The following PKM variants were observed in gnomAD, a reference collection of about 807,000 sequenced individuals.
The protein encoded by PKM is pyruvate kinase PKM.
Under a neutral mutation model 49.8 loss-of-function variants are expected in PKM, and 18 were observed. The ratio of observed to expected loss-of-function variants is 0.36; its 90% CI spans 0.25 to 0.54. The LOEUF (loss-of-function observed/expected upper bound fraction) is 0.54, where lower values mean the gene tolerates loss of function less well. Among genes scored for constraint, PKM ranks in the 20% least tolerant of loss-of-function variants. The pLI is 0.89. For synonymous variants in PKM, 239 were observed against 261.8 expected (o/e 0.91, Z 0.84); for missense variants, 508 against 713.8 (o/e 0.71, Z 3.28).
At chr15:72,224,585 G>A (rs557381938) in intron 1 of PKM, among the ~76,000 whole-genome samples, 2 of 152,236 alleles carry the variant, frequency 1.3e-5, no homozygotes, top group South Asian at 2.1e-4. Flanking sequence ...AGCCATGGCT[G>A]GCTGTGTTGG....
rs1171532612 is a variant in PKM at position 72,202,456 on chromosome 15, G to A, written c.1305C>T (p.Gly435=). 6.2e-7 allele frequency: 1 copy of A among 1,612,468 alleles called. No homozygotes were observed. The highest frequency in any genetic ancestry group is 2.2e-5 in the East Asian group (1 of 44,870). ...AGGGAGCCGCTGCCGCCTCCTACCT[G>A]CCAGACTTGGTGAGGACGATTATGG... The part of the protein sequence containing the change: ...SGAIIVLTKS[G]RSAHQVARYR... Residue 435 remains glycine, a splice_region_variant and synonymous_variant, in exon 9 of 11, where the codon GGC becomes GGT. Transcript: ENST00000335181. The surrounding 1 kb of genome is among the most constrained non-coding windows in gnomAD (Gnocchi z 4.5).
intron 3 of PKM, 97 bp downstream of exon 3, chr15:72,217,312 C>G: frequency 1.3e-6 from 1 of 781,330 alleles, no homozygotes; most frequent in Non-Finnish European, 2.3e-6. Flanking sequence ...AACTCAGACT[C>G]ATCCTTGTCT....
At chr15:72,226,607 G>A (rs1331705372) in intron 1 of PKM, among the ~76,000 whole-genome samples, 1 of 152,196 alleles carries the variant, frequency 6.6e-6, no homozygotes, top group Non-Finnish European at 1.5e-5. Context: ...GTTTGGAAGG[G>A]ATAGGACTCC....
At chr15:72,203,231 G>T in intron 8 of PKM, 1 of 1,576,294 alleles carries the variant, frequency 6.3e-7, no homozygotes, top group Non-Finnish European at 8.7e-7. Flanking sequence ...GAGGGAAGGA[G>T]GAGGAAAAAA....
At chr15:72,217,620 A>G (rs970863910) in intron 2 of PKM, 120 bp from the exon 3 acceptor site, 5 of 703,590 alleles carry the variant, frequency 7.1e-6, no homozygotes, top group Admixed American at 4.1e-5. Flanking sequence ...AAATAGCTCA[A>G]AAGTCTTTAA....
chr15:72,222,634 GA>G, intron 1 of PKM: 1 of 152,508 alleles, frequency 6.6e-6, no homozygotes. Flanking sequence ...CTCCTCCTAG[GA>G]AGGCACAGAC....
chr15:72,224,122 C>T (rs2082599134), intron 1 of PKM, among the ~76,000 whole-genome samples: 1 of 152,142 alleles, frequency 6.6e-6, no homozygotes, highest in South Asian at 2.1e-4. Flanking sequence ...TCCTCAGATG[C>T]CGAGGATTTC....
chr15:72,228,581 C>A, intron 1 of PKM: 1 of 1,217,598 alleles, frequency 8.2e-7, no homozygotes, highest in Non-Finnish European at 1.1e-6. Flanking sequence ...ACTCACCCAG[C>A]GAAGATAATT....
intron 1 of PKM, chr15:72,230,844 G>A (rs1166259181): frequency 7.3e-6 from 7 of 964,632 alleles, no homozygotes; most frequent in Admixed American, 4.8e-5. Context: ...GGAGGAAGAG[G>A]ATGGGACCAG....
At position 72,200,026 on chromosome 15, in the gene PKM, C is replaced by T. The variant is rs1330360769; in HGVS notation, c.1490-270G>A. 6.6e-6 allele frequency among the ~76,000 whole-genome samples: 1 copy of T among 152,140 alleles called. No homozygotes were observed. Among genetic ancestry groups the T allele is most frequent in the Non-Finnish European group, 1.5e-5 (1 of 68,016 alleles). On this transcript the variant is annotated intron_variant, in intron 10 of 10. Coordinates refer to ENST00000335181, the MANE Select transcript of PKM (RefSeq NM_002654.6). The surrounding 1 kb of genome is among the most constrained non-coding windows in gnomAD (Gnocchi z 4.6). The stretch of plus-strand genomic sequence containing the variant: ...CCTTGCCCAGGGTCAGAGCTAGCTG[C>T]TTCCTGTCATCTGATGATACCCTAC...
intron 1 of PKM, among the ~76,000 whole-genome samples, chr15:72,222,774 T>C (rs1286162566): frequency 1.3e-5 from 2 of 152,198 alleles, no homozygotes; most frequent in Admixed American, 6.5e-5. Flanking sequence ...CTCAGAGCCA[T>C]GTCTCCTCTG....
chr15:72,207,133 A>T lies in PKM; in HGVS notation c.981T>A (p.Ala327=). 6.2e-7 allele frequency: 1 copy of T among 1,613,650 alleles called. No homozygotes were observed. The highest frequency in any genetic ancestry group is 1.3e-5 in the African/African-American group (1 of 75,032). Residue 327 remains alanine, a synonymous_variant, in exon 7 of 11, where the codon GCT becomes GCA. Coordinates refer to ENST00000335181, the MANE Select transcript of PKM (RefSeq NM_002654.6). ...GGGAAGGGTGGGCACATGCCTGAGT[A>T]GCACAGATGACAGGCTTCCCAGCTC... ...CNRAGKPVIC[A]TQMLESMIKK...
intron 1 of PKM, among the ~76,000 whole-genome samples, chr15:72,219,878 C>A (rs8192391): frequency 6.6e-6 from 1 of 152,200 alleles, no homozygotes; most frequent in Non-Finnish European, 1.5e-5. Context: ...TTTTGATACA[C>A]ATCCTGATTT....
chr15:72,203,182 G>A (rs199599246), intron 8 of PKM: 42 of 1,613,504 alleles, frequency 2.6e-5, no homozygotes, highest in East Asian at 2.2e-4. Flanking sequence ...TCAGCCTCAC[G>A]AGCTATCTGT....
chr15:72,231,085 G>A lies in PKM; in HGVS notation c.-14+31C>T, dbSNP rs912499540. ...AGCCGGGCGACTGGCCCTTGGTGGG[G>A]ACTGATGGCGTAGCCTCCTGCACCG... On this transcript the variant is annotated intron_variant, in intron 1 of 10. Transcript: ENST00000335181. The A allele has an allele frequency of 2.5e-4, 135 of 532,538 alleles. 1 individual carries two copies. In the Admixed American group the frequency reaches 3.3e-3, roughly 13 times the overall value. 33.0% of individuals were successfully genotyped at this position (532,538 alleles called of 1,614,324 possible).
Position 72,200,081 on chromosome 15 carries a change from C to T in PKM, c.1490-325G>A, listed in dbSNP as rs531525721. 2.0e-5 allele frequency among the ~76,000 whole-genome samples: 3 copies of T among 151,954 alleles called. No individual in the cohort carries two copies. Among genetic ancestry groups the T allele is most frequent in the East Asian group, 1.9e-4 (1 of 5,170 alleles). ...TACAGGGACAATGGCCACATCAGTA[C>T]GTAATCTGTGTATGCCACCCCACAG... On this transcript the variant is annotated intron_variant, in intron 10 of 10. Coordinates refer to ENST00000335181, the MANE Select transcript of PKM (RefSeq NM_002654.6). This position sits in a 1 kb window ranked among gnomAD's most constrained non-coding sequence, Gnocchi z 4.6.
chr15:72,215,926 T>A (rs1179361359), intron 3 of PKM, among the ~76,000 whole-genome samples: 1 of 152,084 alleles, frequency 6.6e-6, no homozygotes, highest in Non-Finnish European at 1.5e-5. Flanking sequence ...AACTACAGAA[T>A]TTTCCAAAAG....
At chr15:72,219,975 C>T (rs2082479643) in intron 1 of PKM, among the ~76,000 whole-genome samples, 1 of 152,248 alleles carries the variant, frequency 6.6e-6, no homozygotes, top group South Asian at 2.1e-4. Context: ...ACAACCCTGA[C>T]AATGGCCCCA....
rs529314788 is a variant in PKM at position 72,229,600 on chromosome 15, T to C, written c.-14+1516A>G. ...CTGGAAGGTGCTTTCCTGCATCTTC[T>C]AATCCAGTGTGCTTGCCACCTGGTG... On this transcript the variant is annotated intron_variant, in intron 1 of 10. Transcript: ENST00000335181. 5.1e-5 allele frequency: 65 copies of C among 1,282,514 alleles called. No individual in the cohort carries two copies. The South Asian group carries it at 7.5e-4, about 15-fold the overall frequency. The allele number at this position is 1,282,514 out of a possible 1,614,324, so 79.4% of individuals were successfully genotyped here.
Sources: gnomAD v4.1 joint callset for allele counts (sites outside exome capture counted in the v4.1 genomes callset) on GRCh38, gnomAD v4.1.1 for gene constraint, Gnocchi (gnomAD v3.1) non-coding constraint, MANE v1.5 for transcripts, NCBI Gene and HGNC (gene_info 2026-07-23, HGNC 2026-07-21) for gene names.